MLLT3: variants seen among roughly 807,000 people sequenced by gnomAD.
The protein encoded by MLLT3 is MLLT3 super elongation complex subunit.
A neutral mutation model predicts 53.2 loss-of-function variants in MLLT3; 4 were observed. The observed-to-expected ratio is 0.08, with a 90% CI of 0.04 to 0.17. The LOEUF is 0.17. Ranked by LOEUF, MLLT3 falls within the 10% of genes least tolerant of loss-of-function variation. The probability of loss-of-function intolerance (pLI) is 1.00; values close to 1 mark genes in which losing one functional copy is unlikely to be tolerated. For missense variants in MLLT3, 569 were observed against 684.0 expected (o/e 0.83, Z 1.87); for synonymous variants, 283 against 230.6 (o/e 1.23, Z -2.06).
intron 2 of MLLT3, among the ~76,000 whole-genome samples, chr9:20,556,743 T>C (rs1313497974): frequency 6.6e-6 from 1 of 151,852 alleles, no homozygotes; most frequent in Non-Finnish European, 1.5e-5. Context: ...AGAGTTCAAG[T>C]AAACAGGGAG....
intron 2 of MLLT3, among the ~76,000 whole-genome samples, chr9:20,486,104 GTA>G (rs1409076210): frequency 2.6e-5 from 4 of 152,172 alleles, no homozygotes; most frequent in Non-Finnish European, 5.9e-5. Flanking sequence ...AATAAAATTT[GTA>G]TCTGTCAGTC....
intron 5 of MLLT3, chr9:20,410,815 A>T (rs1822709449): frequency 6.6e-6 from 1 of 152,182 alleles, no homozygotes; most frequent in Admixed American, 6.5e-5. Context: ...TAAGACCTAT[A>T]CTGAGGCGAG....
At chr9:20,346,621 CA>C (rs1400084934) in intron 10 of MLLT3, 47 bp from the exon 11 acceptor site, 3 of 1,586,536 alleles carry the variant, frequency 1.9e-6, no homozygotes, top group Non-Finnish European at 8.6e-7. Context: ...CAGCAAACAT[CA>C]AAAGGCAAAG....
rs1820874987 is a variant in MLLT3, at chr9:20,346,541, G to A, written c.1609C>T (p.His537Tyr). The A allele has an allele frequency of 6.2e-7, 1 of 1,613,618 alleles. No individual in the cohort carries two copies. ...AAATCAAATGTTGTGTTTGTGATATGAAAGTGTCCAGTTTCTTCTATAAGG... is the reference window on the plus strand; with the variant it reads ...AAATCAAATGTTGTGTTTGTGATATAAAAGTGTCCAGTTTCTTCTATAAGG... ...VNLIEETGHF[H>Y]ITNTTFDFDL... The change falls in exon 11 of 11, where the codon CAT (histidine) becomes TAT (tyrosine). Residue 537 changes from histidine (H) to tyrosine (Y), a missense_variant. This residue lies in a region of MLLT3 where 45 missense variants were observed against 85.5 expected (regional missense o/e 0.53). Transcript: ENST00000380338.
At chr9:20,555,137 G>GC (rs937174645) in intron 2 of MLLT3, among the ~76,000 whole-genome samples, 2 of 152,130 alleles carry the variant, frequency 1.3e-5, no homozygotes, top group African/African-American at 4.8e-5. Context: ...CCCCAGGGTG[G>GC]CCAGACGAGT....
rs556186901 is a variant in MLLT3 at position 20,418,933 on chromosome 9, A to G, written c.421-4508T>C. On this transcript the variant is annotated intron_variant, in intron 4 of 10. Coordinates refer to ENST00000380338, the MANE Select transcript of MLLT3 (RefSeq NM_004529.4). ...TCCTCTAGGTGTATAAACAAGAAAT[A>G]GATAATATGCTTGCTGCTACTGTGC... 2.6e-5 allele frequency among the ~76,000 whole-genome samples: 4 copies of G among 152,308 alleles called. No homozygotes were observed. In the South Asian group the frequency reaches 6.2e-4, roughly 24 times the overall value.
intron 5 of MLLT3, among the ~76,000 whole-genome samples, chr9:20,376,446 TAC>T (rs1311773346): frequency 1.3e-5 from 2 of 152,234 alleles, no homozygotes; most frequent in Non-Finnish European, 2.9e-5. Flanking sequence ...ATTTTCAACT[TAC>T]AGATATAAAA....
At chr9:20,471,066 G>C (rs1158118642) in intron 2 of MLLT3, among the ~76,000 whole-genome samples, 1 of 151,928 alleles carries the variant, frequency 6.6e-6, no homozygotes, top group African/African-American at 2.4e-5. Flanking sequence ...AGTAGCTCAA[G>C]AGCTCTGCCA....
intron 2 of MLLT3, among the ~76,000 whole-genome samples, chr9:20,547,537 G>A (rs1221690931): frequency 1.3e-5 from 2 of 151,762 alleles, no homozygotes; most frequent in East Asian, 2.0e-4. Context: ...CCAGCTACTC[G>A]GGAGGCTGAG....
At chr9:20,434,803 C>T (rs1397063384) in intron 4 of MLLT3, among the ~76,000 whole-genome samples, 1 of 152,072 alleles carries the variant, frequency 6.6e-6, no homozygotes, top group Non-Finnish European at 1.5e-5. Flanking sequence ...CTGAAGCCTT[C>T]AGTTCATCTC....
chr9:20,450,378 G>A (rs552470394), intron 3 of MLLT3, among the ~76,000 whole-genome samples: 121 of 152,238 alleles, frequency 7.9e-4, no homozygotes, highest in African/African-American at 2.8e-3. Context: ...ACAAAAATCA[G>A]ATTACAGCTT....
chr9:20,349,352 C>A (rs933968461), intron 10 of MLLT3, among the ~76,000 whole-genome samples: 1 of 152,100 alleles, frequency 6.6e-6, no homozygotes, highest in East Asian at 1.9e-4. Context: ...GTCAGGATAA[C>A]ATGATTATGA....
chr9:20,404,311 G>T (rs2118752894), intron 5 of MLLT3, among the ~76,000 whole-genome samples: 1 of 152,228 alleles, frequency 6.6e-6, no homozygotes, highest in East Asian at 1.9e-4. Context: ...ATCTTTACAA[G>T]AACCCCTGCC....
In MLLT3 at chr9:20,538,117, G is replaced by C. The variant is rs1018761515; in HGVS notation, c.194-81331C>G. 2.0e-5 allele frequency among the ~76,000 whole-genome samples: 3 copies of C among 152,160 alleles called. No homozygotes were observed. In the South Asian group the frequency reaches 6.2e-4, roughly 32 times the overall value. On this transcript the variant is annotated intron_variant, in intron 2 of 10. Coordinates refer to ENST00000380338, the MANE Select transcript of MLLT3 (RefSeq NM_004529.4). The stretch of plus-strand genomic sequence containing the variant: ...TGTGCCCCATGTGTTCATTATTGCT[G>C]ATGGAATTAGAAAGGTTAGTTTTTT...
intron 4 of MLLT3, among the ~76,000 whole-genome samples, chr9:20,420,274 A>G (rs982713220): frequency 6.6e-6 from 1 of 152,254 alleles, no homozygotes; most frequent in Non-Finnish European, 1.5e-5. Context: ...TAGAATAAAA[A>G]TGGAAGAACT....
intron 2 of MLLT3, among the ~76,000 whole-genome samples, chr9:20,598,336 A>G (rs1820328749): frequency 2.0e-5 from 3 of 152,188 alleles, no homozygotes; most frequent in Non-Finnish European, 4.4e-5. Flanking sequence ...TTTAAATTAC[A>G]CTGAAATTTA....
intron 3 of MLLT3, among the ~76,000 whole-genome samples, chr9:20,449,713 A>G (rs118117877): frequency 1.3e-5 from 2 of 151,920 alleles, no homozygotes; most frequent in African/African-American, 4.8e-5. Context: ...CATAATCTCC[A>G]CTCATTTCCT....
intron 2 of MLLT3, among the ~76,000 whole-genome samples, chr9:20,479,332 AT>A (rs1824605165): frequency 6.6e-6 from 1 of 151,982 alleles, no homozygotes; most frequent in African/African-American, 2.4e-5. Flanking sequence ...CACTAGAACT[AT>A]TTCTCTAATT....
At chr9:20,505,225 T>C (rs1825354115) in intron 2 of MLLT3, among the ~76,000 whole-genome samples, 1 of 152,200 alleles carries the variant, frequency 6.6e-6, no homozygotes, top group Admixed American at 6.5e-5. Flanking sequence ...TAAACCAAGA[T>C]GACAGTGATT....
Sources: gnomAD v4.1 joint callset for allele counts (sites outside exome capture counted in the v4.1 genomes callset) on GRCh38, gnomAD v4.1.1 for gene constraint, gnomAD v4.1.1 regional missense constraint, MANE v1.5 for transcripts, NCBI Gene and HGNC (gene_info 2026-07-23, HGNC 2026-07-21) for gene names.